Variants in RALYL observed in about 807,000 individuals in gnomAD.
The protein encoded by RALYL is RALY RNA binding protein like.
Under a neutral mutation model 35.1 loss-of-function variants are expected in RALYL, and 29 were observed. The observed-to-expected ratio is 0.83, with a 90% CI of 0.61 to 1.13. RALYL has a LOEUF of 1.13. RALYL is among the 50% of genes most tolerant of loss of function. The pLI, the probability that RALYL is intolerant of heterozygous loss-of-function variation, is 0.00. For synonymous variants in RALYL, 120 were observed against 127.6 expected, an observed-to-expected ratio of 0.94 and a Z score of 0.40; for missense variants, 359 against 360.4, an observed-to-expected ratio of 1.00 and a Z score of 0.03.
chr8:84,486,546 A>G (rs1438215489), intron 1 of RALYL, among the ~76,000 whole-genome samples: 1 of 151,872 alleles, frequency 6.6e-6, no homozygotes, highest in African/African-American at 2.4e-5. Context: ...GTCTATGCTC[A>G]TATTTGGTCA....
At chr8:84,768,518 A>G (rs1207219012) in intron 2 of RALYL, among the ~76,000 whole-genome samples, 1 of 152,194 alleles carries the variant, frequency 6.6e-6, no homozygotes, top group African/African-American at 2.4e-5. Flanking sequence ...GCACTGCAGA[A>G]TATGTAAATA....
intron 1 of RALYL, among the ~76,000 whole-genome samples, chr8:84,353,880 A>G (rs1263124988): frequency 6.7e-6 from 1 of 149,896 alleles, no homozygotes; most frequent in East Asian, 1.9e-4. Context: ...TTTGAAAGCC[A>G]TTATATAACA....
chr8:84,584,201 A>G (rs1414531983), intron 2 of RALYL, among the ~76,000 whole-genome samples: 2 of 152,184 alleles, frequency 1.3e-5, no homozygotes, highest in Non-Finnish European at 2.9e-5. Flanking sequence ...GACATATTTT[A>G]ATTGGAAAAA....
intron 2 of RALYL, among the ~76,000 whole-genome samples, chr8:84,692,233 A>C (rs1838206972): frequency 6.6e-6 from 1 of 152,004 alleles, no homozygotes. Context: ...TGTCATAGCC[A>C]CTGAAGACAG....
At chr8:84,328,107 CATT>C (rs1846152830) in intron 1 of RALYL, among the ~76,000 whole-genome samples, 1 of 152,136 alleles carries the variant, frequency 6.6e-6, no homozygotes, top group Admixed American at 6.6e-5. Context: ...ATTACGGTAA[CATT>C]AATTATTGGG....
intron 2 of RALYL, among the ~76,000 whole-genome samples, chr8:84,741,904 G>A (rs1053757181): frequency 6.6e-6 from 1 of 151,420 alleles, no homozygotes; most frequent in African/African-American, 2.4e-5. Context: ...AACATTCAAG[G>A]TTTGGACATT....
intron 1 of RALYL, among the ~76,000 whole-genome samples, chr8:84,231,594 A>G (rs957843427): frequency 6.6e-6 from 1 of 152,176 alleles, no homozygotes; most frequent in Non-Finnish European, 1.5e-5. Context: ...GGGCCTTTTT[A>G]AAGATTTTAC....
At position 84,804,790 on chromosome 8, in the gene RALYL, T is replaced by C; in HGVS notation, c.353T>C (p.Phe118Ser). The change falls in exon 4 of 9, where the codon TTC becomes TCC. Residue 118 changes from phenylalanine (F) to serine (S), a missense_variant. By Grantham distance (155) the Phe-to-Ser change is radical. Transcript: ENST00000521268. The part of the protein sequence containing the change: ...ALYRLESKEP[F>S]LSVGGYVFDY... ...CATAGACTTGAATCAAAGGAACCTTTCCTGTCTGTTGGGTAAGTATATATT... is the reference window on the plus strand; with the variant it reads ...CATAGACTTGAATCAAAGGAACCTTCCCTGTCTGTTGGGTAAGTATATATT... 8.6e-7 allele frequency: 1 copy of C among 1,168,352 alleles called. No individual in the cohort carries two copies. Among genetic ancestry groups the C allele is most frequent in the Non-Finnish European group, 1.1e-6 (1 of 889,154 alleles). 72.4% of individuals were successfully genotyped at this position (1,168,352 alleles called of 1,614,324 possible).
At position 84,746,599 on chromosome 8, in the gene RALYL, A is replaced by G. The variant is rs112022573; in HGVS notation, c.257-27980A>G. Among the ~76,000 whole-genome samples the G allele has an allele frequency of 4.0e-3, 602 of 152,122 alleles. 5 individuals carry two copies. Among genetic ancestry groups the G allele is most frequent in the African/African-American group, 0.014 (582 of 41,540 alleles). On this transcript the variant is annotated intron_variant, in intron 2 of 8. Transcript: ENST00000521268. ...CCACCAAACTTTACTCTTGAAATACATATTTTCTCGTAACTTGTGAGTAGA... is the reference window on the plus strand; with the variant it reads ...CCACCAAACTTTACTCTTGAAATACGTATTTTCTCGTAACTTGTGAGTAGA...
intron 2 of RALYL, among the ~76,000 whole-genome samples, chr8:84,744,029 A>G (rs1326901443): frequency 6.6e-6 from 1 of 151,998 alleles, no homozygotes; most frequent in East Asian, 1.9e-4. Context: ...CAATGATTGC[A>G]CAGCAATGTG....
intron 2 of RALYL, among the ~76,000 whole-genome samples, chr8:84,559,516 A>G (rs2061347121): frequency 6.6e-6 from 1 of 152,026 alleles, no homozygotes; most frequent in Non-Finnish European, 1.5e-5. Context: ...TTTCTCATGA[A>G]ATTAAATTCA....
intron 2 of RALYL, among the ~76,000 whole-genome samples, chr8:84,698,946 C>T (rs949185617): frequency 2.0e-5 from 3 of 151,924 alleles, no homozygotes; most frequent in South Asian, 2.1e-4. Flanking sequence ...ACCTCAGAAC[C>T]GTGTTTTGCT....
chr8:84,225,133 T>C (rs1823546657), intron 1 of RALYL, among the ~76,000 whole-genome samples: 1 of 152,184 alleles, frequency 6.6e-6, no homozygotes, highest in Non-Finnish European at 1.5e-5. Flanking sequence ...CCTTAATTCT[T>C]CTCTTTGCCT....
At position 84,623,415 on chromosome 8, in the gene RALYL, A is replaced by G. The variant is rs73691017; in HGVS notation, c.256+93838A>G. On this transcript the variant is annotated intron_variant, in intron 2 of 8. Coordinates refer to ENST00000521268, the MANE Select transcript of RALYL (RefSeq NM_173848.7). Reference sequence around the variant, plus strand: ...GATAGTGTTGAAAATAATTGTGTTTATGAAATTAATAAATCTCCAAAGTAG... The same window carrying G: ...GATAGTGTTGAAAATAATTGTGTTTGTGAAATTAATAAATCTCCAAAGTAG... 6.0e-3 allele frequency among the ~76,000 whole-genome samples: 909 copies of G among 152,306 alleles called. 9 individuals are homozygous for G. Among genetic ancestry groups the G allele is most frequent in the African/African-American group, 0.02 (845 of 41,572 alleles).
In RALYL at chr8:84,496,669, A is replaced by G. The variant is rs187078440; in HGVS notation, c.-23-32630A>G. Among the ~76,000 whole-genome samples, 758 of 152,276 alleles carry G rather than the reference A, an allele frequency of 5.0e-3. 3 individuals are homozygous for G. Among genetic ancestry groups the G allele is most frequent in the Middle Eastern group, 0.014 (4 of 294 alleles). ...ATTATTCTTATGTGTATCTATGAAT[A>G]TATTTCTAAAATATATCTGTATCTA... On this transcript the variant is annotated intron_variant, in intron 1 of 8. Coordinates refer to ENST00000521268, the MANE Select transcript of RALYL (RefSeq NM_173848.7).
At chr8:84,452,876 A>G (rs1280500267) in intron 1 of RALYL, among the ~76,000 whole-genome samples, 1 of 151,912 alleles carries the variant, frequency 6.6e-6, no homozygotes, top group Admixed American at 6.6e-5. Flanking sequence ...TATGATTAAG[A>G]TGTTTGTGGG....
chr8:84,372,592 A>T (rs1855937057), intron 1 of RALYL, among the ~76,000 whole-genome samples: 1 of 151,846 alleles, frequency 6.6e-6, no homozygotes, highest in Non-Finnish European at 1.5e-5. Flanking sequence ...AAAATAAAAT[A>T]AGCTAGTCAG....
chr8:84,679,717 C>T, intron 2 of RALYL: 1 of 519,456 alleles, frequency 1.9e-6, no homozygotes, highest in Admixed American at 2.0e-5. Context: ...ACCCTCAAGG[C>T]AATATTAAGT....
intron 2 of RALYL, among the ~76,000 whole-genome samples, chr8:84,615,146 A>G (rs1196220615): frequency 6.6e-6 from 1 of 151,754 alleles, no homozygotes; most frequent in Non-Finnish European, 1.5e-5. Context: ...ACTTTAAGAT[A>G]TTTGTAGTTT....
Sources: gnomAD v4.1 joint callset for allele counts (sites outside exome capture counted in the v4.1 genomes callset) on GRCh38, gnomAD v4.1.1 for gene constraint, MANE v1.5 for transcripts, NCBI Gene and HGNC (gene_info 2026-07-23, HGNC 2026-07-21) for gene names.